The following WWOX variants were observed in gnomAD, a reference collection of about 807,000 sequenced individuals.
WWOX encodes WW domain containing oxidoreductase, also known as WW domain-containing oxidoreductase.
WWOX carries 69 observed loss-of-function variants against 46.2 expected under a neutral mutation model. The observed-to-expected ratio is 1.49, with a 90% CI of 1.23 to 1.82. WWOX has a LOEUF of 1.82. WWOX is among the 40% of genes most tolerant of loss of function. WWOX has a pLI of 0.00. For synonymous variants in WWOX, 359 were observed against 202.6 expected (o/e 1.77, Z -6.56); for missense variants, 919 against 542.6 (o/e 1.69, Z -6.89).
At chr16:78,780,867 C>T (rs1030559508) in intron 8 of WWOX, among the ~76,000 whole-genome samples, 3 of 152,182 alleles carry the variant, frequency 2.0e-5, no homozygotes, top group African/African-American at 7.2e-5. Flanking sequence ...GGGCATTAAG[C>T]AGGGCAGTGA....
intron 8 of WWOX, among the ~76,000 whole-genome samples, chr16:79,048,976 A>G (rs1490164914): frequency 6.6e-6 from 1 of 152,162 alleles, no homozygotes; most frequent in Non-Finnish European, 1.5e-5. Flanking sequence ...TGATTCCTCT[A>G]TTCCCTGGAC....
intron 8 of WWOX, among the ~76,000 whole-genome samples, chr16:78,445,165 C>T (rs756148698): frequency 6.6e-6 from 1 of 152,134 alleles, no homozygotes; most frequent in Non-Finnish European, 1.5e-5. Context: ...TATAAGCTGT[C>T]CTAGAGTCTG....
chr16:78,801,792 C>G (rs1373161758), intron 8 of WWOX, among the ~76,000 whole-genome samples: 15 of 152,104 alleles, frequency 9.9e-5, no homozygotes. Context: ...AGGGACATTT[C>G]ATTTTTTTTA....
intron 5 of WWOX, among the ~76,000 whole-genome samples, chr16:78,311,528 T>C (rs933750069): frequency 3.9e-5 from 6 of 152,186 alleles, no homozygotes; most frequent in Non-Finnish European, 8.8e-5. Flanking sequence ...GAGATGCGTG[T>C]TAACTGTTTA....
At chr16:78,235,048 G>A (rs1350807844) in intron 5 of WWOX, among the ~76,000 whole-genome samples, 1 of 151,522 alleles carries the variant, frequency 6.6e-6, no homozygotes, top group Non-Finnish European at 1.5e-5. Context: ...CTCATCTGCT[G>A]GTTTTAAAAT....
At chr16:78,266,173 G>C (rs1422914434) in intron 5 of WWOX, 1 of 152,130 alleles carries the variant, frequency 6.6e-6, no homozygotes, top group African/African-American at 2.4e-5. Flanking sequence ...GCTAAGAATG[G>C]TTTTTACATT....
intron 8 of WWOX, among the ~76,000 whole-genome samples, chr16:78,975,721 T>A (rs1355570243): frequency 6.6e-6 from 1 of 152,152 alleles, no homozygotes; most frequent in African/African-American, 2.4e-5. Flanking sequence ...GTTTTGTCCA[T>A]AGGCAACACA....
intron 8 of WWOX, among the ~76,000 whole-genome samples, chr16:78,634,784 A>G (rs886284639): frequency 1.3e-5 from 2 of 150,416 alleles, no homozygotes; most frequent in Non-Finnish European, 2.9e-5. Flanking sequence ...GCTGAGGGCC[A>G]ATAGTTTAGA....
intron 8 of WWOX, among the ~76,000 whole-genome samples, chr16:78,529,678 A>C (rs953742076): frequency 2.6e-5 from 4 of 151,924 alleles, no homozygotes; most frequent in Non-Finnish European, 5.9e-5. Flanking sequence ...CGTGTTAGGC[A>C]GGATGGTCTC....
chr16:78,394,462 G>C (rs778607461), intron 6 of WWOX, among the ~76,000 whole-genome samples: 1 of 151,926 alleles, frequency 6.6e-6, no homozygotes, highest in South Asian at 2.1e-4. Flanking sequence ...AGAAACATCA[G>C]GGAAGAATGC....
chr16:78,929,870 C>T (rs1045340876), intron 8 of WWOX, among the ~76,000 whole-genome samples: 3 of 152,114 alleles, frequency 2.0e-5, no homozygotes, highest in African/African-American at 7.2e-5. Context: ...GCCTTTTTAC[C>T]CAGTATCTAG....
intron 8 of WWOX, among the ~76,000 whole-genome samples, chr16:78,535,939 G>A (rs1032054583): frequency 1.1e-4 from 16 of 152,132 alleles, no homozygotes; most frequent in Non-Finnish European, 1.8e-4. Flanking sequence ...GAGGTTCTGC[G>A]CACAAAATTC....
At chr16:78,446,858 G>A (rs2083572093) in intron 8 of WWOX, among the ~76,000 whole-genome samples, 1 of 151,722 alleles carries the variant, frequency 6.6e-6, no homozygotes, top group Non-Finnish European at 1.5e-5. Flanking sequence ...ACAGAGTTTT[G>A]CCATGTTCAC....
chr16:78,371,416 T>C (rs1348783993), intron 5 of WWOX, among the ~76,000 whole-genome samples: 4 of 152,226 alleles, frequency 2.6e-5, no homozygotes, highest in Non-Finnish European at 5.9e-5. Context: ...TTAACTTCAA[T>C]AACGTATGAA....
intron 5 of WWOX, among the ~76,000 whole-genome samples, chr16:78,196,594 G>C (rs2036060613): frequency 6.6e-6 from 1 of 152,158 alleles, no homozygotes; most frequent in Non-Finnish European, 1.5e-5. Flanking sequence ...CTGGTCCTGA[G>C]GAAAGATTGT....
At chr16:78,915,801 T>G (rs1468885536) in intron 8 of WWOX, among the ~76,000 whole-genome samples, 2 of 152,222 alleles carry the variant, frequency 1.3e-5, no homozygotes, top group African/African-American at 2.4e-5. Context: ...CACATGTGTT[T>G]ATAACTCTCA....
At chr16:79,031,900 CTATATATATAGA>C (rs2047766819) in intron 8 of WWOX, among the ~76,000 whole-genome samples, 1 of 65,892 alleles carries the variant, frequency 1.5e-5, no homozygotes, top group African/African-American at 3.9e-5. Flanking sequence ...ATACAGATAT[CTATATATATAGA>C]TATCTATATA....
intron 8 of WWOX, among the ~76,000 whole-genome samples, chr16:78,682,445 T>C (rs760292616): frequency 9.9e-5 from 15 of 152,112 alleles, no homozygotes; most frequent in Non-Finnish European, 1.9e-4. Flanking sequence ...CCGGGTCTGG[T>C]GGTGGCGTGT....
chr16:78,248,630 G>A (rs553957653), intron 5 of WWOX, among the ~76,000 whole-genome samples: 178 of 152,178 alleles, frequency 1.2e-3, no homozygotes, highest in African/African-American at 4.1e-3. Flanking sequence ...CAGCTACTCA[G>A]GAGGCTGAGG....
Sources: gnomAD v4.1 joint callset for allele counts (sites outside exome capture counted in the v4.1 genomes callset) on GRCh38, gnomAD v4.1.1 for gene constraint, MANE v1.5 for transcripts, NCBI Gene and HGNC (gene_info 2026-07-23, HGNC 2026-07-21) for gene names.